The following ANKRD62 variants were observed in gnomAD, a reference collection of about 807,000 sequenced individuals.
The protein encoded by ANKRD62 is ankyrin repeat domain 62, also known as ankyrin repeat domain-containing protein 62.
A neutral mutation model predicts 98.8 loss-of-function variants in ANKRD62; 61 were observed. That is an observed-to-expected ratio of 0.62 (90% CI 0.50 to 0.76). The LOEUF is 0.76. Ranked by LOEUF, ANKRD62 falls within the 30% of genes least tolerant of loss-of-function variation. The pLI is 0.00. For missense variants in ANKRD62, 933 were observed against 1,082.9 expected, an observed-to-expected ratio of 0.86 and a Z score of 1.94; for synonymous variants, 341 against 367.9, an observed-to-expected ratio of 0.93 and a Z score of 0.84.
At chr18:12,105,037 G>A (rs953856734) in intron 7 of ANKRD62, among the ~76,000 whole-genome samples, 4 of 152,266 alleles carry the variant, frequency 2.6e-5, no homozygotes, top group East Asian at 1.9e-4. Flanking sequence ...GAGTGTTATA[G>A]GTACATGATG....
the ANKRD62 span, among the ~76,000 whole-genome samples, chr18:12,139,034 C>T: frequency 1.3e-5 from 2 of 152,090 alleles, no homozygotes; most frequent in African/African-American, 2.4e-5. Flanking sequence ...GAGCATTTAG[C>T]CCATTTACAT....
At chr18:12,178,503 A>G in the ANKRD62 span, among the ~76,000 whole-genome samples, 2 of 148,332 alleles carry the variant, frequency 1.3e-5, no homozygotes, top group East Asian at 4.0e-4. Flanking sequence ...AAGGGCAAGA[A>G]TGGCCAGTGT....
chr18:12,114,959 C>A, intron 8 of ANKRD62, 129 bp from the exon 9 acceptor site: 1 of 737,262 alleles, frequency 1.4e-6, no homozygotes, highest in Non-Finnish European at 1.9e-6. Flanking sequence ...AAAAACATTA[C>A]CTGTAAACAT....
intron 6 of ANKRD62, chr18:12,102,683 A>G (rs2143900769): frequency 2.0e-6 from 2 of 1,021,900 alleles, no homozygotes; most frequent in South Asian, 7.3e-5. Context: ...AGAGGAAGAC[A>G]TTTCAGATAT....
At chr18:12,141,510 T>G in the ANKRD62 span, among the ~76,000 whole-genome samples, 8 of 150,276 alleles carry the variant, frequency 5.3e-5, no homozygotes, top group South Asian at 2.1e-4. Flanking sequence ...GGTGGTGGTG[T>G]TTTTTTTTCC....
intron 8 of ANKRD62, among the ~76,000 whole-genome samples, chr18:12,111,785 C>T (rs909363561): frequency 2.0e-5 from 3 of 152,022 alleles, no homozygotes; most frequent in African/African-American, 7.2e-5. Context: ...AAACCAAGAA[C>T]TAATTCTTAC....
intron 8 of ANKRD62, among the ~76,000 whole-genome samples, chr18:12,110,082 C>CA (rs1909507699): frequency 6.6e-6 from 1 of 152,130 alleles, no homozygotes; most frequent in Admixed American, 6.5e-5. Flanking sequence ...GAGGCACTCT[C>CA]AATGCATGTC....
At position 12,094,168 on chromosome 18, in the gene ANKRD62, G is replaced by C; in HGVS notation, c.151G>C (p.Val51Leu). ...CCACAAAGCTGCCATCGCAGGTGAT[G>C]TGAACAAGGTGATGGAGAGCATCTT... ...MIHKAAIAGD[V>L]NKVMESILLR... Residue 51 changes from valine to leucine, a missense_variant, in exon 1 of 14, where the codon GTG becomes CTG. Physicochemically the swap from Val to Leu is conservative, Grantham distance 32. Coordinates refer to ENST00000587848, the MANE Select transcript of ANKRD62 (RefSeq NM_001277333.2). 6.5e-7 allele frequency: 1 copy of C among 1,532,794 alleles called. No homozygotes were observed. The highest frequency in any genetic ancestry group is 8.7e-7 in the Non-Finnish European group (1 of 1,146,396). The allele number at this position is 1,532,794 out of a possible 1,614,324, so 94.9% of individuals were successfully genotyped here.
At chr18:12,152,903 G>T in the ANKRD62 span, among the ~76,000 whole-genome samples, 2 of 152,042 alleles carry the variant, frequency 1.3e-5, no homozygotes, top group Non-Finnish European at 2.9e-5. Flanking sequence ...CCAAAGAAAA[G>T]AAAACCCCAT....
chr18:12,155,407 G>A, the ANKRD62 span, among the ~76,000 whole-genome samples: 1,543 of 152,288 alleles, frequency 0.01, 9 homozygotes, highest in Non-Finnish European at 0.015. Context: ...TCAATCCCAA[G>A]CCTACATAGT....
At chr18:12,167,801 C>G in the ANKRD62 span, among the ~76,000 whole-genome samples, 1 of 152,170 alleles carries the variant, frequency 6.6e-6, no homozygotes. Flanking sequence ...TCTGTTGTTT[C>G]CTGACTTTAA....
At chr18:12,162,889 C>G in the ANKRD62 span, among the ~76,000 whole-genome samples, 1 of 151,978 alleles carries the variant, frequency 6.6e-6, no homozygotes, top group Admixed American at 6.6e-5. Context: ...TGTTTTTATG[C>G]CAGTACAATT....
chr18:12,111,999 A>G (rs1483055835), intron 8 of ANKRD62, among the ~76,000 whole-genome samples: 1 of 151,294 alleles, frequency 6.6e-6, no homozygotes. Flanking sequence ...AATCTCAGTT[A>G]CTTGGGAGGC....
chr18:12,094,575 G>T (rs1598728135), intron 1 of ANKRD62, among the ~76,000 whole-genome samples: 1 of 8,474 alleles, frequency 1.2e-4, no homozygotes, highest in Non-Finnish European at 2.4e-4. Context: ...TGTGGTGGGG[G>T]TAGAGTTGGG....
rs1238595307 is a variant in ANKRD62 at position 12,097,792 on chromosome 18, G to T, written c.752+15G>T. On this transcript the variant is annotated intron_variant, in intron 5 of 13. Transcript: ENST00000587848. The stretch of plus-strand genomic sequence containing the variant: ...AAGTTTCAAGCGTAAGTGTTAAAAA[G>T]GCTAGTGAACACTAAATTGAGGTTT... 3 of 1,534,292 alleles carry T rather than the reference G, an allele frequency of 2.0e-6. No individual in the cohort carries two copies. Among genetic ancestry groups the T allele is most frequent in the Non-Finnish European group, 2.6e-6 (3 of 1,144,768 alleles).
At chr18:12,153,474 C>T in the ANKRD62 span, among the ~76,000 whole-genome samples, 12 of 151,750 alleles carry the variant, frequency 7.9e-5, no homozygotes, top group Non-Finnish European at 1.3e-4. Context: ...CACCTGTAAC[C>T]CCAGCTACTC....
chr18:12,174,737 C>G, the ANKRD62 span, among the ~76,000 whole-genome samples: 1 of 152,156 alleles, frequency 6.6e-6, no homozygotes, highest in African/African-American at 2.4e-5. Context: ...AGCCCACTGG[C>G]TTCATTTCTG....
At chr18:12,172,967 T>G in the ANKRD62 span, among the ~76,000 whole-genome samples, 5 of 152,214 alleles carry the variant, frequency 3.3e-5, no homozygotes, top group Admixed American at 3.3e-4. Context: ...AAGCGCAGTA[T>G]TAGGGTGGGA....
downstream of ANKRD62, among the ~76,000 whole-genome samples, chr18:12,130,334 A>T (rs969610933): frequency 6.6e-6 from 1 of 152,142 alleles, no homozygotes; most frequent in Non-Finnish European, 1.5e-5. Context: ...TTATTTTAAA[A>T]TATATATTTT....
Sources: gnomAD v4.1 joint callset for allele counts (sites outside exome capture counted in the v4.1 genomes callset) on GRCh38, gnomAD v4.1.1 for gene constraint, MANE v1.5 for transcripts, NCBI Gene and HGNC (gene_info 2026-07-23, HGNC 2026-07-21) for gene names.